MCM5: variants seen among roughly 807,000 people sequenced by gnomAD.
MCM5 encodes DNA replication licensing factor MCM5.
Under a neutral mutation model 79.9 loss-of-function variants are expected in MCM5, and 46 were observed. That is an observed-to-expected ratio of 0.58 (90% CI 0.45 to 0.74). The LOEUF (loss-of-function observed/expected upper bound fraction) is 0.74, where lower values mean the gene tolerates loss of function less well. Ranked by LOEUF, MCM5 falls within the 30% of genes least tolerant of loss-of-function variation. The pLI is 0.00. For synonymous variants in MCM5, 404 were observed against 390.5 expected (o/e 1.03, Z -0.41); for missense variants, 883 against 1,017.0 (o/e 0.87, Z 1.79).
chr22:35,451,786 CCT>C, the MCM5 span, among the ~76,000 whole-genome samples: 2 of 152,206 alleles, frequency 1.3e-5, no homozygotes, highest in African/African-American at 2.4e-5. Context: ...AGGATGAGCC[CCT>C]CTCTCTAGGG....
At chr22:35,449,542 G>C in the MCM5 span, among the ~76,000 whole-genome samples, 2 of 151,084 alleles carry the variant, frequency 1.3e-5, no homozygotes, top group African/African-American at 4.9e-5. Flanking sequence ...TGGCCGCTGT[G>C]TCCCAACCGT....
the MCM5 span, among the ~76,000 whole-genome samples, chr22:35,442,227 C>T: frequency 2.6e-5 from 4 of 151,964 alleles, no homozygotes; most frequent in Non-Finnish European, 5.9e-5. Flanking sequence ...GAAGGCCCAC[C>T]ACCCCCAGAC....
the MCM5 span, among the ~76,000 whole-genome samples, chr22:35,445,422 G>A: frequency 7.4e-6 from 1 of 135,300 alleles, no homozygotes; most frequent in Non-Finnish European, 1.5e-5. Context: ...TCTACCTCCT[G>A]GGTTCAAGTG....
chr22:35,404,697 G>C (rs985494817), intron 4 of MCM5, among the ~76,000 whole-genome samples: 3 of 152,176 alleles, frequency 2.0e-5, no homozygotes, highest in African/African-American at 7.2e-5. Context: ...CGCCTCCCCA[G>C]CCTCGCTTCT....
At chr22:35,416,296 T>A in intron 10 of MCM5, 43 bp from the exon 11 acceptor site, 1 of 1,579,052 alleles carries the variant, frequency 6.3e-7, no homozygotes, top group Non-Finnish European at 8.7e-7. Flanking sequence ...CCCTGCTCCC[T>A]CACTTCAGTA....
the MCM5 span, among the ~76,000 whole-genome samples, chr22:35,432,025 A>AC: frequency 6.6e-6 from 1 of 152,210 alleles, no homozygotes; most frequent in Non-Finnish European, 1.5e-5. Flanking sequence ...TAATGACCGT[A>AC]CCTACAATAA....
chr22:35,411,760 A>G (rs1932389309), intron 7 of MCM5, among the ~76,000 whole-genome samples: 3 of 152,194 alleles, frequency 2.0e-5, no homozygotes, highest in Admixed American at 1.3e-4. Flanking sequence ...ACAGGTAAGT[A>G]GCTCTCACAT....
At chr22:35,439,123 CCATCCATCCATCCACTCACATATT>C in the MCM5 span, among the ~76,000 whole-genome samples, 2 of 150,010 alleles carry the variant, frequency 1.3e-5, no homozygotes, top group African/African-American at 2.5e-5. Context: ...ACCCACATAT[CCATCCATCCATCCACTCACATATT>C]CATCCATCCA....
intron 15 of MCM5, 30 bp from the exon 16 acceptor site, chr22:35,423,184 C>G: frequency 6.5e-7 from 1 of 1,532,222 alleles, no homozygotes; most frequent in South Asian, 1.2e-5. Flanking sequence ...GTCCCAGCTC[C>G]CCGGCTGCCT....
intron 7 of MCM5, among the ~76,000 whole-genome samples, chr22:35,412,196 C>T (rs960292150): frequency 1.3e-5 from 2 of 152,218 alleles, no homozygotes; most frequent in Admixed American, 6.5e-5. Flanking sequence ...CTGTCATGAC[C>T]AAGACACTAT....
chr22:35,401,368 C>T, intron 2 of MCM5: 1 of 470,832 alleles, frequency 2.1e-6, no homozygotes, highest in South Asian at 1.5e-5. Context: ...TTATTTATAC[C>T]AGTCTTGCAC....
chr22:35,441,120 G>A, the MCM5 span, among the ~76,000 whole-genome samples: 1 of 152,290 alleles, frequency 6.6e-6, no homozygotes, highest in African/African-American at 2.4e-5. Context: ...TGCGTCCAAG[G>A]TGGGCCCTGC....
downstream of MCM5, among the ~76,000 whole-genome samples, chr22:35,425,789 G>A (rs1932774224): frequency 6.6e-6 from 1 of 151,964 alleles, no homozygotes; most frequent in Admixed American, 6.6e-5. Context: ...GAACTCTCAT[G>A]AGGTTCACCC....
intron 4 of MCM5, among the ~76,000 whole-genome samples, chr22:35,406,172 C>T (rs1402244111): frequency 2.0e-5 from 3 of 152,100 alleles, no homozygotes; most frequent in Non-Finnish European, 4.4e-5. Flanking sequence ...CCCCTGCCTC[C>T]CAGGTTTGTT....
the MCM5 span, among the ~76,000 whole-genome samples, chr22:35,450,904 C>T: frequency 5.9e-5 from 9 of 152,332 alleles, no homozygotes; most frequent in South Asian, 2.1e-4. Context: ...TCTACCCACT[C>T]CTTCATCCCC....
At chr22:35,429,737 T>C (rs1468957592), downstream of MCM5, among the ~76,000 whole-genome samples, 2 of 151,992 alleles carry the variant, frequency 1.3e-5, no homozygotes, top group Non-Finnish European at 2.9e-5. Flanking sequence ...GGTTTCACCA[T>C]GTTGGCTAGG....
downstream of MCM5, among the ~76,000 whole-genome samples, chr22:35,426,376 A>G (rs1017072049): frequency 6.6e-6 from 1 of 152,044 alleles, no homozygotes; most frequent in East Asian, 1.9e-4. Context: ...GCTTAGTGGA[A>G]TCTCCAGTCA....
chr22:35,431,641 C>T, the MCM5 span, among the ~76,000 whole-genome samples: 134 of 152,178 alleles, frequency 8.8e-4, 2 homozygotes, highest in South Asian at 4.6e-3. Context: ...CTGGGTGACT[C>T]GGTCTCTGGA....
downstream of MCM5, among the ~76,000 whole-genome samples, chr22:35,426,612 C>T (rs1157498517): frequency 6.6e-6 from 1 of 152,232 alleles, no homozygotes; most frequent in Non-Finnish European, 1.5e-5. Flanking sequence ...CTCCTTTCAT[C>T]TGTAGAAAGG....
Sources: gnomAD v4.1 joint callset for allele counts (sites outside exome capture counted in the v4.1 genomes callset) on GRCh38, gnomAD v4.1.1 for gene constraint, MANE v1.5 for transcripts, NCBI Gene and HGNC (gene_info 2026-07-23, HGNC 2026-07-21) for gene names.